Variants in KCNH7 observed in about 807,000 individuals in gnomAD.
The protein encoded by KCNH7 is potassium voltage-gated channel subfamily H member 7, also known as voltage-gated inwardly rectifying potassium channel KCNH7.
A neutral mutation model predicts 120.8 loss-of-function variants in KCNH7; 49 were observed. The ratio of observed to expected loss-of-function variants is 0.41; its 90% CI spans 0.32 to 0.51. KCNH7 has a LOEUF of 0.51. Among genes scored for constraint, KCNH7 ranks in the 20% least tolerant of loss-of-function variants. KCNH7 has a pLI of 0.38. For synonymous variants in KCNH7, 547 were observed against 516.1 expected (o/e 1.06, Z -0.81); for missense variants, 1,097 against 1,446.6 (o/e 0.76, Z 3.92).
At chr2:162,814,752 C>T (rs190728408) in intron 2 of KCNH7, among the ~76,000 whole-genome samples, 209 of 152,242 alleles carry the variant, frequency 1.4e-3, no homozygotes, top group African/African-American at 4.8e-3. Context: ...TTCAGATAAC[C>T]CTCTTGAACT....
chr2:162,744,419 A>G (rs575858868), intron 2 of KCNH7, among the ~76,000 whole-genome samples: 2 of 152,048 alleles, frequency 1.3e-5, no homozygotes, highest in Non-Finnish European at 2.9e-5. Context: ...TTTTTCCTTA[A>G]ATGCACTGTA....
At chr2:162,780,720 A>G (rs1022951461) in intron 2 of KCNH7, among the ~76,000 whole-genome samples, 1 of 152,182 alleles carries the variant, frequency 6.6e-6, no homozygotes, top group Non-Finnish European at 1.5e-5. Flanking sequence ...AATGTGTTAG[A>G]GTTCCAAACA....
At chr2:162,803,269 T>C (rs1321508983) in intron 2 of KCNH7, among the ~76,000 whole-genome samples, 7 of 151,798 alleles carry the variant, frequency 4.6e-5, no homozygotes, top group African/African-American at 1.7e-4. Context: ...TTAACTTTGA[T>C]TAAACTAGCA....
Position 162,630,238 on chromosome 2 carries a change from AATAG to A in KCNH7, c.308-93162_308-93159del, listed in dbSNP as rs1198961033. 5.9e-5 allele frequency among the ~76,000 whole-genome samples: 9 copies of A among 152,146 alleles called. No homozygotes were observed. In the South Asian group the frequency reaches 1.2e-3, roughly 21 times the overall value. Reference sequence around the variant, plus strand: ...TTTGAATTCTCCACAAAGTCCTACAAATAGATAAACAATAGCCATAGGATCTGTG... The same window carrying A: ...TTTGAATTCTCCACAAAGTCCTACAAATAAACAATAGCCATAGGATCTGTG... On this transcript the variant is annotated intron_variant, in intron 2 of 15. Coordinates refer to ENST00000332142, the MANE Select transcript of KCNH7 (RefSeq NM_033272.4).
chr2:162,497,734 A>G (rs1019092718), intron 6 of KCNH7, among the ~76,000 whole-genome samples: 3 of 152,176 alleles, frequency 2.0e-5, no homozygotes, highest in Non-Finnish European at 4.4e-5. Context: ...TCTCTATGAA[A>G]TGCATATGGA....
intron 2 of KCNH7, among the ~76,000 whole-genome samples, chr2:162,610,155 C>T (rs150097015): frequency 2.6e-5 from 4 of 152,302 alleles, no homozygotes; most frequent in African/African-American, 7.2e-5. Context: ...GTGGTATATT[C>T]ATTCAACATC....
At chr2:162,474,408 C>A (rs933708706) in intron 6 of KCNH7, among the ~76,000 whole-genome samples, 2 of 152,158 alleles carry the variant, frequency 1.3e-5, no homozygotes, top group African/African-American at 4.8e-5. Flanking sequence ...AAAATAGTTT[C>A]ACTGGAGTAG....
chr2:162,753,025 A>G (rs1022919944), intron 2 of KCNH7, among the ~76,000 whole-genome samples: 3 of 147,404 alleles, frequency 2.0e-5, no homozygotes, highest in African/African-American at 5.1e-5. Context: ...AAAGAAAAGA[A>G]AAGAAACCCT....
chr2:162,436,814 C>T (rs1197712306), intron 7 of KCNH7, among the ~76,000 whole-genome samples: 1 of 152,050 alleles, frequency 6.6e-6, no homozygotes, highest in Non-Finnish European at 1.5e-5. Context: ...AAAGCTTTTT[C>T]ATTAAAATGT....
At chr2:162,550,072 T>C (rs965524442) in intron 2 of KCNH7, among the ~76,000 whole-genome samples, 2 of 152,158 alleles carry the variant, frequency 1.3e-5, no homozygotes, top group African/African-American at 2.4e-5. Flanking sequence ...GGGGAATGCA[T>C]AGATATTTTC....
intron 15 of KCNH7, among the ~76,000 whole-genome samples, chr2:162,372,402 C>CA (rs1173149203): frequency 1.3e-5 from 2 of 151,808 alleles, no homozygotes; most frequent in African/African-American, 2.4e-5. Flanking sequence ...AAATTTAAGA[C>CA]AAATTGGGAT....
At chr2:162,807,875 T>G (rs184020840) in intron 2 of KCNH7, among the ~76,000 whole-genome samples, 3,675 of 152,016 alleles carry the variant, frequency 0.024, 138 homozygotes, top group African/African-American at 0.078. Context: ...TAGAGACGGG[T>G]GTTTCACTAT....
In KCNH7 at chr2:162,394,685, T is replaced by C. The variant is rs1181423589; in HGVS notation, c.2614-200A>G. Reference sequence around the variant, plus strand: ...ACACAGATAGAATAATTTTTAGTACTTTCACCATTTGCTGGGGAAATCATA... The same window carrying C: ...ACACAGATAGAATAATTTTTAGTACCTTCACCATTTGCTGGGGAAATCATA... On this transcript the variant is annotated intron_variant, in intron 11 of 15. Coordinates refer to ENST00000332142, the MANE Select transcript of KCNH7 (RefSeq NM_033272.4). 2.0e-5 allele frequency among the ~76,000 whole-genome samples: 3 copies of C among 151,950 alleles called. 1 individual carries two copies. The highest frequency in any genetic ancestry group is 2.9e-5 in the Non-Finnish European group (2 of 67,924).
In KCNH7 at chr2:162,396,155, T is replaced by C. The variant is rs368684453; in HGVS notation, c.2613+585A>G. On this transcript the variant is annotated intron_variant, in intron 11 of 15. Transcript: ENST00000332142. ...AGCTACACTCGAAGTTCATTCTGGG[T>C]TAACTTACATATATAATTATTTAAA... 2.6e-5 allele frequency among the ~76,000 whole-genome samples: 4 copies of C among 151,744 alleles called. No individual in the cohort carries two copies. The East Asian group carries it at 7.8e-4, about 29-fold the overall frequency.
chr2:162,784,784 C>T (rs1251376056), intron 2 of KCNH7: 1 of 152,144 alleles, frequency 6.6e-6, no homozygotes, highest in African/African-American at 2.4e-5. Context: ...AGATTCCCTT[C>T]CTTTCCTAAA....
At chr2:162,442,598 C>A (rs1027704922) in intron 7 of KCNH7, among the ~76,000 whole-genome samples, 1 of 152,040 alleles carries the variant, frequency 6.6e-6, no homozygotes, top group Admixed American at 6.6e-5. Flanking sequence ...CTGGCTCACG[C>A]CTGTAATTCC....
At chr2:162,749,864 T>G (rs1410295425) in intron 2 of KCNH7, among the ~76,000 whole-genome samples, 5 of 152,250 alleles carry the variant, frequency 3.3e-5, no homozygotes, top group African/African-American at 1.2e-4. Context: ...GAAAAGAACA[T>G]TCCTGCTGAG....
intron 5 of KCNH7, among the ~76,000 whole-genome samples, chr2:162,507,998 A>G (rs185774942): frequency 5.3e-5 from 8 of 151,722 alleles, no homozygotes; most frequent in Admixed American, 5.3e-4. Flanking sequence ...TATGTTTTCT[A>G]GTGAAGTTAT....
At chr2:162,814,753 C>G (rs1299611868) in intron 2 of KCNH7, among the ~76,000 whole-genome samples, 1 of 152,162 alleles carries the variant, frequency 6.6e-6, no homozygotes, top group African/African-American at 2.4e-5. Flanking sequence ...TCAGATAACC[C>G]TCTTGAACTT....
Sources: allele counts gnomAD v4.1 joint callset (sites outside exome capture counted in the v4.1 genomes callset), GRCh38; gene constraint gnomAD v4.1.1; transcripts MANE v1.5; gene names NCBI Gene and HGNC (gene_info 2026-07-23, HGNC 2026-07-21).